Variants in TMEM26 observed in about 807,000 individuals in gnomAD.
TMEM26 encodes the protein transmembrane protein 26.
A neutral mutation model predicts 28.8 loss-of-function variants in TMEM26; 38 were observed. That is an observed-to-expected ratio of 1.32 (90% CI 1.02 to 1.73). TMEM26 has a LOEUF of 1.73. Among genes scored for constraint, TMEM26 ranks in the 40% most tolerant of loss-of-function variants. TMEM26 has a pLI of 0.00. For synonymous variants in TMEM26, 227 were observed against 182.9 expected, an observed-to-expected ratio of 1.24 and a Z score of -1.95; for missense variants, 518 against 447.1, an observed-to-expected ratio of 1.16 and a Z score of -1.43.
Position 61,453,064 on chromosome 10 carries a change from G to C in TMEM26, c.18C>G (p.Phe6Leu). The C allele has an allele frequency of 1.2e-6, 2 of 1,613,312 alleles. No homozygotes were observed. The highest frequency in any genetic ancestry group is 1.7e-6 in the Non-Finnish European group (2 of 1,179,924). Residue 6 changes from phenylalanine (F) to leucine (L), a missense_variant, in exon 1 of 6, where the codon TTC becomes TTG. Physicochemically the swap from Phe to Leu is conservative, Grantham distance 22. Transcript: ENST00000399298. Reference protein sequence around the residue: MEGLVFLNALATRLLF... With the variant: MEGLVLLNALATRLLF... ...GCAACCGAGTGGCCAGGGCGTTAAG[G>C]AAGACCAGTCCCTCCATGCTGGCCG...
intron 4 of TMEM26, among the ~76,000 whole-genome samples, chr10:61,423,748 A>T (rs893059295): frequency 2.0e-5 from 3 of 152,148 alleles, no homozygotes; most frequent in Non-Finnish European, 2.9e-5. Flanking sequence ...ATAAAAAAAG[A>T]TTATATGTTA....
chr10:61,449,846 T>C (rs1160215169), intron 1 of TMEM26, among the ~76,000 whole-genome samples: 2 of 152,102 alleles, frequency 1.3e-5, no homozygotes, highest in African/African-American at 4.8e-5. Context: ...GTAGAAACAA[T>C]GCTTTCAATT....
At chr10:61,452,775 A>C in intron 1 of TMEM26, 116 bp downstream of exon 1, 1 of 1,325,676 alleles carries the variant, frequency 7.5e-7, no homozygotes, top group Non-Finnish European at 1.0e-6. Flanking sequence ...TCAGCGAGGA[A>C]AAACGGGGTC....
chr10:61,448,191 T>TCA (rs1840217441), intron 1 of TMEM26, among the ~76,000 whole-genome samples: 1 of 152,272 alleles, frequency 6.6e-6, no homozygotes, highest in African/African-American at 2.4e-5. Flanking sequence ...TACATGGCCT[T>TCA]CACACACCTC....
chr10:61,417,842 T>C (rs1277752927), intron 4 of TMEM26, among the ~76,000 whole-genome samples: 1 of 152,034 alleles, frequency 6.6e-6, no homozygotes. Flanking sequence ...AAGGTGGCTG[T>C]AGTGAAATGA....
chr10:61,452,790 T>C, intron 1 of TMEM26, 101 bp downstream of exon 1: 1 of 1,413,244 alleles, frequency 7.1e-7, no homozygotes, highest in South Asian at 1.3e-5. Context: ...GGGGTCCAAA[T>C]TCGAGTAGAA....
chr10:61,437,038 A>T (rs976237300), intron 1 of TMEM26, among the ~76,000 whole-genome samples: 2 of 152,178 alleles, frequency 1.3e-5, no homozygotes, highest in Non-Finnish European at 2.9e-5. Flanking sequence ...TAAACTACAG[A>T]CATTAATTTT....
At chr10:61,442,829 G>T (rs552323062) in intron 1 of TMEM26, among the ~76,000 whole-genome samples, 2 of 152,300 alleles carry the variant, frequency 1.3e-5, no homozygotes, top group South Asian at 4.1e-4. Context: ...CATCAAGGCT[G>T]CTTGGCAAAG....
At chr10:61,414,135 G>T in intron 4 of TMEM26, 1 of 767,804 alleles carries the variant, frequency 1.3e-6, no homozygotes, top group Non-Finnish European at 1.6e-6. Context: ...AGTGCTTGAT[G>T]GATACAACAT....
rs1228913609 is a variant in TMEM26, at chr10:61,429,095, A to G, written c.436T>C (p.Leu146=). The G allele has an allele frequency of 1.2e-6, 2 of 1,613,306 alleles. No homozygotes were observed. Among genetic ancestry groups the G allele is most frequent in the East Asian group, 2.2e-5 (1 of 44,846 alleles). ...LSTVCEKVWT[L]GLHQTFLLML... The stretch of plus-strand genomic sequence containing the variant: ...AACAGGAATGTCTGATGGAGTCCCA[A>G]TGTCCAAACTTTCTCACATACTGTA... Residue 146 remains leucine (L), a synonymous_variant, in exon 4 of 6, where the codon TTG becomes CTG. Transcript: ENST00000399298.
At chr10:61,435,675 G>C (rs1166923058) in intron 2 of TMEM26, among the ~76,000 whole-genome samples, 1 of 152,202 alleles carries the variant, frequency 6.6e-6, no homozygotes, top group Non-Finnish European at 1.5e-5. Flanking sequence ...CATTTTAAAA[G>C]AGACTATTTT....
rs1840327709 is a variant in TMEM26, at chr10:61,453,364, G to A, written c.-283C>T. 5.7e-6 allele frequency: 2 copies of A among 353,024 alleles called. No individual in the cohort carries two copies. The highest frequency in any genetic ancestry group is 4.5e-5 in the East Asian group (1 of 22,030). 21.9% of individuals were successfully genotyped at this position (353,024 alleles called of 1,614,324 possible). On this transcript the variant is annotated 5_prime_UTR_variant, in exon 1 of 6. Transcript: ENST00000399298. The stretch of plus-strand genomic sequence containing the variant: ...GGGGCTGCGCTGCCCTGTCTCCAGG[G>A]CGTTATTCTCCAGCGCTGCCCATCC...
chr10:61,447,269 T>C (rs1003256560), intron 1 of TMEM26, among the ~76,000 whole-genome samples: 3 of 152,178 alleles, frequency 2.0e-5, no homozygotes, highest in South Asian at 2.1e-4. Context: ...TTCATAAACA[T>C]TTTTGATGGA....
intron 1 of TMEM26, among the ~76,000 whole-genome samples, chr10:61,446,767 C>G (rs1394711923): frequency 8.0e-6 from 1 of 124,558 alleles, no homozygotes; most frequent in Non-Finnish European, 1.6e-5. Context: ...TACAGTGAGC[C>G]GAGATCGCGC....
At chr10:61,433,007 C>A (rs950026466) in intron 2 of TMEM26, among the ~76,000 whole-genome samples, 4 of 152,038 alleles carry the variant, frequency 2.6e-5, no homozygotes, top group Non-Finnish European at 5.9e-5. Context: ...AGATTTATTT[C>A]AATAGGAAAT....
Position 61,430,520 on chromosome 10 carries a change from C to T in TMEM26, c.384+699G>A, listed in dbSNP as rs150518954. ...ATTGGGATGGAAGAAACAAAACTGC[C>T]TCTGTTCACAGTTGACATAATTGTC... On this transcript the variant is annotated intron_variant, in intron 3 of 5. Coordinates refer to ENST00000399298, the MANE Select transcript of TMEM26 (RefSeq NM_178505.8). Among the ~76,000 whole-genome samples the T allele has an allele frequency of 6.3e-3, 948 of 150,632 alleles. 29 individuals are homozygous for T. The highest frequency in any genetic ancestry group is 0.063 in the East Asian group (322 of 5,144).
At chr10:61,418,753 A>G (rs752528560) in intron 4 of TMEM26, among the ~76,000 whole-genome samples, 1 of 152,086 alleles carries the variant, frequency 6.6e-6, no homozygotes, top group Non-Finnish European at 1.5e-5. Context: ...TAATGAACTA[A>G]CTTTAAATTT....
intron 4 of TMEM26, among the ~76,000 whole-genome samples, chr10:61,420,582 T>C (rs1339031347): frequency 6.6e-6 from 1 of 152,140 alleles, no homozygotes; most frequent in Admixed American, 6.6e-5. Context: ...TTACTTATTA[T>C]ATGGCTTTGT....
chr10:61,423,824 T>C (rs1839787009), intron 4 of TMEM26, among the ~76,000 whole-genome samples: 1 of 152,126 alleles, frequency 6.6e-6, no homozygotes, highest in African/African-American at 2.4e-5. Flanking sequence ...ATTAGTGTAA[T>C]CTATTGTTTT....
Sources: allele counts gnomAD v4.1 joint callset (sites outside exome capture counted in the v4.1 genomes callset), GRCh38; gene constraint gnomAD v4.1.1; transcripts MANE v1.5; gene names NCBI Gene and HGNC (gene_info 2026-07-23, HGNC 2026-07-21).